The following STK10 variants were observed in gnomAD, a reference collection of about 807,000 sequenced individuals.
The protein encoded by STK10 is serine/threonine-protein kinase 10.
STK10 carries 78 observed loss-of-function variants against 113.8 expected under a neutral mutation model. The ratio of observed to expected loss-of-function variants is 0.69; its 90% CI spans 0.57 to 0.83. The LOEUF (loss-of-function observed/expected upper bound fraction) is 0.83. Among genes scored for constraint, STK10 ranks in the 40% least tolerant of loss-of-function variants. The pLI, the probability that STK10 is intolerant of heterozygous loss-of-function variation, is 0.00. For missense variants in STK10, 1,109 were observed against 1,280.1 expected (o/e 0.87, Z 2.04); for synonymous variants, 465 against 494.7 (o/e 0.94, Z 0.80).
intron 1 of STK10, among the ~76,000 whole-genome samples, chr5:172,161,361 G>A (rs113757519): frequency 0.11 from 16,889 of 151,954 alleles, 1,426 homozygotes; most frequent in African/African-American, 0.24. Flanking sequence ...GCTGAAGCAG[G>A]AGAATCGCTT....
intron 12 of STK10, among the ~76,000 whole-genome samples, chr5:172,081,626 G>A (rs1259918894): frequency 3.3e-5 from 5 of 152,050 alleles, no homozygotes; most frequent in Non-Finnish European, 7.4e-5. Flanking sequence ...GGATGCCCCC[G>A]AATGTCATGC....
chr5:172,054,783 C>A lies in STK10; in HGVS notation c.2527-89G>T, dbSNP rs1234029675. 5.7e-6 allele frequency: 9 copies of A among 1,566,430 alleles called. No homozygotes were observed. In the Admixed American group the frequency reaches 8.6e-5, roughly 15 times the overall value. On this transcript the variant is annotated intron_variant, in intron 16 of 18. Transcript: ENST00000176763. ...CACTCAGCCCTGGCCCAGGGAGACC[C>A]CTCAGGGGGACTGGTCTGTGCACAG... is the stretch of plus-strand genomic sequence containing the variant.
At chr5:172,078,280 T>A (rs1057276263) in intron 12 of STK10, among the ~76,000 whole-genome samples, 4 of 152,142 alleles carry the variant, frequency 2.6e-5, no homozygotes, top group Non-Finnish European at 5.9e-5. Flanking sequence ...AACTGCAGAA[T>A]CAAAGCAAGA....
chr5:172,126,989 C>A (rs1382096459), intron 3 of STK10, among the ~76,000 whole-genome samples: 1 of 152,028 alleles, frequency 6.6e-6, no homozygotes, highest in African/African-American at 2.4e-5. Flanking sequence ...AAGAACCCAA[C>A]CCCTCCATCT....
chr5:172,101,392 A>G (rs936378134), intron 7 of STK10, among the ~76,000 whole-genome samples: 2 of 149,910 alleles, frequency 1.3e-5, no homozygotes, highest in Admixed American at 6.7e-5. Flanking sequence ...AATCACTTGA[A>G]CCCAGGGGGT....
chr5:172,064,838 C>T, intron 12 of STK10, 26 bp from the exon 13 acceptor site: 5 of 1,612,954 alleles, frequency 3.1e-6, no homozygotes, highest in Middle Eastern at 1.6e-4. Context: ...CAGAGAGTAG[C>T]TGGGTCAGGG....
Position 172,187,869 on chromosome 5 carries a change from C to T in STK10, c.156+18G>A. 1 of 1,611,476 alleles carries T rather than the reference C, an allele frequency of 6.2e-7. No individual in the cohort carries two copies. The highest frequency in any genetic ancestry group is 1.1e-5 in the South Asian group (1 of 90,680). On this transcript the variant is annotated intron_variant, in intron 1 of 18. Transcript: ENST00000176763. This position sits in a 1 kb window ranked among gnomAD's most constrained non-coding sequence, Gnocchi z 4.6. ...AGCCCCTCGACGCGCGTCCGGCCAC[C>T]CACCTCAGCGCCCTCACCTTGTAAA...
rs550966617 is a variant in STK10 at position 172,120,159 on chromosome 5, G to C, written c.371-2529C>G. 5.1e-4 allele frequency among the ~76,000 whole-genome samples: 78 copies of C among 152,228 alleles called. No homozygotes were observed. Among genetic ancestry groups the C allele is most frequent in the Non-Finnish European group, 1.1e-3 (74 of 67,992 alleles). ...AGCTACCCAAGACCCCTGTGACCAG[G>C]GGAGCCACCTCCCTTGGCCTGCCAG... On this transcript the variant is annotated intron_variant, in intron 3 of 18. Transcript: ENST00000176763. The surrounding 1 kb of genome is among the most constrained non-coding windows in gnomAD (Gnocchi z 4.0).
intron 10 of STK10, 55 bp from the exon 11 acceptor site, chr5:172,083,139 A>G: frequency 6.2e-7 from 1 of 1,607,886 alleles, no homozygotes; most frequent in Non-Finnish European, 8.5e-7. Context: ...TTCAGAGATC[A>G]CAATATTTGC....
At chr5:172,156,833 G>C (rs1331101914) in intron 1 of STK10, 45 bp from the exon 2 acceptor site, 1 of 1,582,074 alleles carries the variant, frequency 6.3e-7, no homozygotes, top group Non-Finnish European at 8.6e-7. Context: ...TGCTCCGCAG[G>C]AAACTGACCT....
In STK10 at chr5:172,055,824, C is replaced by CA. The variant is rs768936729; in HGVS notation, c.2338-49dup. 5.8e-6 allele frequency: 8 copies of CA among 1,384,816 alleles called. 1 individual carries two copies. In the South Asian group the frequency reaches 1.5e-4, roughly 26 times the overall value. 85.8% of individuals were successfully genotyped at this position (1,384,816 alleles called of 1,614,324 possible). On this transcript the variant is annotated intron_variant, in intron 15 of 18. Transcript: ENST00000176763. Reference sequence around the variant, plus strand: ...GCTGAGGGCAGCTGCACTCTGGACTCAGAGCGTGGTCACAGGCTAAAGGTC... The same window carrying CA: ...GCTGAGGGCAGCTGCACTCTGGACTCAAGAGCGTGGTCACAGGCTAAAGGTC...
At chr5:172,128,245 A>T (rs1014208300) in intron 2 of STK10, among the ~76,000 whole-genome samples, 1 of 139,188 alleles carries the variant, frequency 7.2e-6, no homozygotes, top group African/African-American at 2.7e-5. Flanking sequence ...AAAAAAAAAA[A>T]GAAAGGTTCT....
intron 1 of STK10, among the ~76,000 whole-genome samples, chr5:172,166,437 G>C (rs2113828420): frequency 6.6e-6 from 1 of 152,180 alleles, no homozygotes; most frequent in Middle Eastern, 3.4e-3. Flanking sequence ...CAGATATCTA[G>C]AGGAGTGCCT....
chr5:172,173,849 G>A (rs1770704980), intron 1 of STK10, among the ~76,000 whole-genome samples: 1 of 152,210 alleles, frequency 6.6e-6, no homozygotes, highest in Non-Finnish European at 1.5e-5. Flanking sequence ...TGTGTGTGAG[G>A]CAGGACAGTG....
intron 18 of STK10, among the ~76,000 whole-genome samples, chr5:172,047,357 G>A (rs554389303): frequency 2.0e-4 from 30 of 152,298 alleles, no homozygotes; most frequent in African/African-American, 6.7e-4. Context: ...TAGAGGAAAC[G>A]CGATCATTCA....
At chr5:172,179,555 A>G (rs1217726593) in intron 1 of STK10, among the ~76,000 whole-genome samples, 1 of 152,182 alleles carries the variant, frequency 6.6e-6, no homozygotes, top group East Asian at 1.9e-4. Flanking sequence ...CAGCCAAAAA[A>G]AATTCCCAGA....
At chr5:172,112,304 C>A (rs1042031825) in intron 4 of STK10, among the ~76,000 whole-genome samples, 1 of 152,066 alleles carries the variant, frequency 6.6e-6, no homozygotes, top group Non-Finnish European at 1.5e-5. Context: ...CATGTCTGCA[C>A]GCATGTGCAT....
chr5:172,167,309 G>T (rs1707698909), intron 1 of STK10, among the ~76,000 whole-genome samples: 1 of 152,072 alleles, frequency 6.6e-6, no homozygotes, highest in Non-Finnish European at 1.5e-5. Flanking sequence ...ACCCTTAAAT[G>T]ATAAACAAGA....
At chr5:172,138,604 A>C (rs938933588) in intron 2 of STK10, among the ~76,000 whole-genome samples, 1 of 152,242 alleles carries the variant, frequency 6.6e-6, no homozygotes, top group Non-Finnish European at 1.5e-5. Context: ...AACAGCATCA[A>C]AAAATGAATA....
Sources: gnomAD v4.1 joint callset for allele counts (sites outside exome capture counted in the v4.1 genomes callset) on GRCh38, gnomAD v4.1.1 for gene constraint, Gnocchi (gnomAD v3.1) non-coding constraint, MANE v1.5 for transcripts, NCBI Gene and HGNC (gene_info 2026-07-23, HGNC 2026-07-21) for gene names.